HS6ST3: variants seen among roughly 807,000 people sequenced by gnomAD.
HS6ST3 encodes the protein heparan-sulfate 6-O-sulfotransferase 3.
In HS6ST3, 12 loss-of-function variants were observed where a neutral mutation model predicts 36.7. The observed-to-expected ratio is 0.33, with a 90% CI of 0.21 to 0.53. The LOEUF (loss-of-function observed/expected upper bound fraction) is 0.53. Ranked by LOEUF, HS6ST3 falls within the 20% of genes least tolerant of loss-of-function variation. The pLI is 0.95. For synonymous variants in HS6ST3, 240 were observed against 257.5 expected (o/e 0.93, Z 0.65); for missense variants, 584 against 640.9 (o/e 0.91, Z 0.96).
rs1394470993 is a variant in HS6ST3, at chr13:96,132,392, G to C, written c.707+40823G>C. On this transcript the variant is annotated intron_variant, in intron 1 of 1. Coordinates refer to ENST00000376705, the MANE Select transcript of HS6ST3 (RefSeq NM_153456.4). ...AACCTCCATACTGTTTTCTAAAATG[G>C]CTGAATTTTTTCTTTTTCTTTTTTT... Among the ~76,000 whole-genome samples, 3 of 151,552 alleles carry C rather than the reference G, an allele frequency of 2.0e-5. No homozygotes were observed. The East Asian group carries it at 5.8e-4, about 29-fold the overall frequency.
intron 1 of HS6ST3, among the ~76,000 whole-genome samples, chr13:96,779,422 G>A (rs1369752684): frequency 6.6e-6 from 1 of 151,984 alleles, no homozygotes; most frequent in Non-Finnish European, 1.5e-5. Flanking sequence ...TTATTGAAAT[G>A]TTTTGAGATG....
At chr13:96,532,862 C>T (rs2056141073) in intron 1 of HS6ST3, among the ~76,000 whole-genome samples, 1 of 152,122 alleles carries the variant, frequency 6.6e-6, no homozygotes, top group African/African-American at 2.4e-5. Flanking sequence ...CAATTGTCTA[C>T]TTAAACCACT....
intron 1 of HS6ST3, among the ~76,000 whole-genome samples, chr13:96,464,957 T>TGC (rs935723612): frequency 2.7e-5 from 2 of 73,340 alleles, no homozygotes; most frequent in Admixed American, 1.1e-4. Flanking sequence ...CGTGTGTGTG[T>TGC]GTGTGTGTGT....
intron 1 of HS6ST3, among the ~76,000 whole-genome samples, chr13:96,780,865 T>C (rs950681846): frequency 6.6e-6 from 1 of 151,824 alleles, no homozygotes; most frequent in Non-Finnish European, 1.5e-5. Context: ...TACTGGGAAG[T>C]GTGAGGAAGG....
At chr13:96,391,966 C>G (rs2055398084) in intron 1 of HS6ST3, among the ~76,000 whole-genome samples, 1 of 152,188 alleles carries the variant, frequency 6.6e-6, no homozygotes, top group African/African-American at 2.4e-5. Flanking sequence ...TGAATCATGT[C>G]TGTAACTGGC....
intron 1 of HS6ST3, among the ~76,000 whole-genome samples, chr13:96,495,829 TA>T (rs1297411180): frequency 6.6e-5 from 10 of 152,118 alleles, no homozygotes; most frequent in South Asian, 2.1e-4. Context: ...CAAAACATCA[TA>T]AAAAAAATAC....
intron 1 of HS6ST3, among the ~76,000 whole-genome samples, chr13:96,578,972 G>C (rs140592365): frequency 1.3e-5 from 2 of 152,078 alleles, no homozygotes; most frequent in Non-Finnish European, 2.9e-5. Context: ...AATTGTCCTT[G>C]TTTTACATTA....
intron 1 of HS6ST3, among the ~76,000 whole-genome samples, chr13:96,754,768 T>C (rs1005961600): frequency 2.0e-5 from 3 of 152,200 alleles, no homozygotes; most frequent in Non-Finnish European, 4.4e-5. Context: ...TTCTTTTTGA[T>C]ATCTTCTCCT....
intron 1 of HS6ST3, among the ~76,000 whole-genome samples, chr13:96,788,540 A>G (rs940353992): frequency 2.6e-5 from 4 of 151,922 alleles, no homozygotes; most frequent in African/African-American, 4.8e-5. Flanking sequence ...GGAGTGTTCT[A>G]CAAATGGGAA....
At chr13:96,623,433 G>A (rs779775720) in intron 1 of HS6ST3, among the ~76,000 whole-genome samples, 2 of 151,698 alleles carry the variant, frequency 1.3e-5, no homozygotes, top group Non-Finnish European at 2.9e-5. Flanking sequence ...TCTGCAGGCA[G>A]CATTGGCCTA....
intron 1 of HS6ST3, among the ~76,000 whole-genome samples, chr13:96,729,682 G>C (rs1337371719): frequency 6.6e-6 from 1 of 151,782 alleles, no homozygotes; most frequent in Non-Finnish European, 1.5e-5. Context: ...GGCCAGGCTG[G>C]TCTCAAACTC....
intron 1 of HS6ST3, among the ~76,000 whole-genome samples, chr13:96,254,559 T>A (rs1239968358): frequency 7.1e-6 from 1 of 141,118 alleles, no homozygotes; most frequent in Admixed American, 7.3e-5. Flanking sequence ...CATCCCTGCT[T>A]ATCAGTGCCT....
chr13:96,818,350 C>A (rs1224089924), intron 1 of HS6ST3, among the ~76,000 whole-genome samples: 1 of 152,214 alleles, frequency 6.6e-6, no homozygotes, highest in African/African-American at 2.4e-5. Flanking sequence ...GAAACTCATG[C>A]TAATTATCGT....
chr13:96,262,053 G>A (rs2054669025), intron 1 of HS6ST3, among the ~76,000 whole-genome samples: 1 of 152,136 alleles, frequency 6.6e-6, no homozygotes, highest in Admixed American at 6.6e-5. Flanking sequence ...TCCCTGTGGT[G>A]TTTATCTGGG....
intron 1 of HS6ST3, among the ~76,000 whole-genome samples, chr13:96,793,168 T>C (rs1228941751): frequency 6.6e-6 from 1 of 152,042 alleles, no homozygotes; most frequent in Non-Finnish European, 1.5e-5. Flanking sequence ...TCCCTTACAG[T>C]CTCAAAGTCC....
chr13:96,643,856 G>A (rs2056578984), intron 1 of HS6ST3, among the ~76,000 whole-genome samples: 1 of 151,866 alleles, frequency 6.6e-6, no homozygotes, highest in African/African-American at 2.4e-5. Flanking sequence ...TGAGGGAGGA[G>A]GTGGATGGGC....
At chr13:96,413,138 G>T (rs536374259) in intron 1 of HS6ST3, among the ~76,000 whole-genome samples, 1 of 152,128 alleles carries the variant, frequency 6.6e-6, no homozygotes, top group East Asian at 1.9e-4. Flanking sequence ...CTTTTTGAAG[G>T]GATGCTTTCT....
At chr13:96,418,313 G>A (rs556137436) in intron 1 of HS6ST3, among the ~76,000 whole-genome samples, 1 of 152,288 alleles carries the variant, frequency 6.6e-6, no homozygotes, top group Non-Finnish European at 1.5e-5. Flanking sequence ...ATGAATGACC[G>A]CAAAAGTTCT....
At chr13:96,766,682 C>T (rs1335812039) in intron 1 of HS6ST3, among the ~76,000 whole-genome samples, 1 of 152,104 alleles carries the variant, frequency 6.6e-6, no homozygotes, top group Non-Finnish European at 1.5e-5. Flanking sequence ...TCTGAGGCAA[C>T]CTTGCACCAG....
Sources: allele counts gnomAD v4.1 joint callset (sites outside exome capture counted in the v4.1 genomes callset), GRCh38; gene constraint gnomAD v4.1.1; transcripts MANE v1.5; gene names NCBI Gene and HGNC (gene_info 2026-07-23, HGNC 2026-07-21).